STXBP4: variants seen among roughly 807,000 people sequenced by gnomAD.
STXBP4 encodes the protein syntaxin binding protein 4, also known as syntaxin-binding protein 4.
Under a neutral mutation model 76.1 loss-of-function variants are expected in STXBP4, and 55 were observed. That is an observed-to-expected ratio of 0.72 (90% CI 0.58 to 0.91). The LOEUF is 0.91. STXBP4 is among the 40% of genes least tolerant of loss of function. STXBP4 has a pLI of 0.00. For missense variants in STXBP4, 618 were observed against 636.9 expected (o/e 0.97, Z 0.32); for synonymous variants, 201 against 220.2 (o/e 0.91, Z 0.77).
the STXBP4 span, among the ~76,000 whole-genome samples, chr17:55,179,949 C>G: frequency 3.3e-5 from 5 of 152,158 alleles, no homozygotes; most frequent in Non-Finnish European, 5.9e-5. Context: ...ATCTATACCA[C>G]AAAATATTCC....
At chr17:55,142,327 T>G (rs2080103268) in intron 17 of STXBP4, among the ~76,000 whole-genome samples, 1 of 152,222 alleles carries the variant, frequency 6.6e-6, no homozygotes, top group Non-Finnish European at 1.5e-5. Flanking sequence ...GACTCCTTTG[T>G]GTATCCTTTT....
At chr17:55,072,866 A>T in intron 12 of STXBP4, 34 bp from the exon 13 acceptor site, 2 of 1,557,990 alleles carry the variant, frequency 1.3e-6, no homozygotes, top group Non-Finnish European at 8.7e-7. Context: ...TTTCTTATGT[A>T]TTTTTTAAAT....
chr17:54,973,836 A>T (rs1218612093), intron 1 of STXBP4, among the ~76,000 whole-genome samples: 1 of 152,218 alleles, frequency 6.6e-6, no homozygotes, highest in Non-Finnish European at 1.5e-5. Context: ...TTCAGATTTG[A>T]CACCTTTAAT....
chr17:55,107,298 GTTC>G (rs1409203026), intron 16 of STXBP4, among the ~76,000 whole-genome samples: 13 of 152,096 alleles, frequency 8.5e-5, no homozygotes, highest in Non-Finnish European at 1.5e-5. Flanking sequence ...GGTCATTTAT[GTTC>G]TTCTCTCAAC....
At chr17:55,180,979 T>G in the STXBP4 span, among the ~76,000 whole-genome samples, 1 of 152,238 alleles carries the variant, frequency 6.6e-6, no homozygotes, top group Non-Finnish European at 1.5e-5. Context: ...ATTTTTTACT[T>G]TCTGCTACAA....
At chr17:55,210,230 T>C in the STXBP4 span, among the ~76,000 whole-genome samples, 21 of 152,354 alleles carry the variant, frequency 1.4e-4, no homozygotes, top group Non-Finnish European at 2.6e-4. Context: ...AAATTTTTAA[T>C]GGCATTTTAT....
intron 4 of STXBP4, among the ~76,000 whole-genome samples, chr17:54,992,464 G>T (rs993610380): frequency 1.3e-5 from 2 of 150,110 alleles, no homozygotes; most frequent in Non-Finnish European, 3.0e-5. Context: ...ATAAATTTTT[G>T]GCTATTAAAT....
the STXBP4 span, among the ~76,000 whole-genome samples, chr17:55,179,489 A>G: frequency 6.6e-6 from 1 of 152,144 alleles, no homozygotes. Context: ...AACAAAAATG[A>G]GTTCAAATCT....
At chr17:55,071,871 T>G (rs16955548) in intron 12 of STXBP4, among the ~76,000 whole-genome samples, 2,024 of 152,262 alleles carry the variant, frequency 0.013, 33 homozygotes, top group African/African-American at 0.046. Flanking sequence ...GAGCAGAAAG[T>G]TCTATCGCAG....
intron 8 of STXBP4, among the ~76,000 whole-genome samples, chr17:55,015,789 G>T (rs560157512): frequency 2.3e-4 from 35 of 152,082 alleles, no homozygotes; most frequent in African/African-American, 8.4e-4. Flanking sequence ...GACTCTGAGG[G>T]CTTCCTGTAG....
chr17:55,138,960 A>G (rs766377904), intron 16 of STXBP4, among the ~76,000 whole-genome samples: 5 of 152,126 alleles, frequency 3.3e-5, no homozygotes, highest in Non-Finnish European at 7.4e-5. Context: ...AATAGATTAT[A>G]TGAAATCTGC....
intron 1 of STXBP4, among the ~76,000 whole-genome samples, chr17:54,973,514 T>A (rs1190633164): frequency 6.6e-6 from 1 of 152,190 alleles, no homozygotes; most frequent in Non-Finnish European, 1.5e-5. Context: ...GGTTATAACC[T>A]GGATACAAGG....
chr17:55,098,917 G>A (rs1428797973), intron 16 of STXBP4, among the ~76,000 whole-genome samples: 1 of 152,102 alleles, frequency 6.6e-6, no homozygotes, highest in Non-Finnish European at 1.5e-5. Context: ...CTAGAACAGT[G>A]CCTGGTACCT....
chr17:55,022,633 G>A (rs1024111041), intron 8 of STXBP4, among the ~76,000 whole-genome samples: 2 of 152,166 alleles, frequency 1.3e-5, no homozygotes, highest in Non-Finnish European at 2.9e-5. Context: ...ATTTCAGATT[G>A]ATAGTCACGG....
intron 16 of STXBP4, among the ~76,000 whole-genome samples, chr17:55,140,038 T>G (rs2080077614): frequency 6.6e-6 from 1 of 152,120 alleles, no homozygotes; most frequent in Non-Finnish European, 1.5e-5. Flanking sequence ...GCACGGTGGC[T>G]CACAACAATA....
intron 16 of STXBP4, among the ~76,000 whole-genome samples, chr17:55,089,745 C>T (rs969490850): frequency 2.6e-5 from 4 of 152,084 alleles, no homozygotes; most frequent in African/African-American, 7.2e-5. Context: ...CATAAAGAGG[C>T]AGTTCTATCT....
the STXBP4 span, among the ~76,000 whole-genome samples, chr17:55,206,124 A>G: frequency 6.6e-6 from 1 of 151,220 alleles, no homozygotes; most frequent in Non-Finnish European, 1.5e-5. Flanking sequence ...TCTTTGAAAA[A>G]CCTCTGTGAA....
chr17:55,081,790 A>G (rs2079258496), intron 16 of STXBP4, among the ~76,000 whole-genome samples: 1 of 152,196 alleles, frequency 6.6e-6, no homozygotes, highest in East Asian at 1.9e-4. Context: ...TAAAGGAACT[A>G]CATGAACTGT....
intron 8 of STXBP4, among the ~76,000 whole-genome samples, chr17:55,011,436 G>A (rs1024464040): frequency 6.8e-5 from 10 of 146,364 alleles, no homozygotes; most frequent in South Asian, 2.2e-4. Context: ...TTTTGAGTTC[G>A]TCATTTCTGT....
Sources: allele counts gnomAD v4.1 joint callset (sites outside exome capture counted in the v4.1 genomes callset), GRCh38; gene constraint gnomAD v4.1.1; transcripts MANE v1.5; gene names NCBI Gene and HGNC (gene_info 2026-07-23, HGNC 2026-07-21).